The following OBSL1 variants were observed in gnomAD, a reference collection of about 807,000 sequenced individuals.
The protein encoded by OBSL1 is obscurin-like protein 1.
OBSL1 carries 160 observed loss-of-function variants against 172.0 expected under a neutral mutation model. The observed-to-expected ratio is 0.93, with a 90% CI of 0.82 to 1.06. OBSL1 has a LOEUF of 1.06. OBSL1 is among the 50% of genes least tolerant of loss of function. The pLI is 0.00. For missense variants in OBSL1, 2,681 were observed against 2,715.4 expected (o/e 0.99, Z 0.28); for synonymous variants, 1,200 against 1,196.3 (o/e 1.00, Z -0.06).
downstream of OBSL1, chr2:219,547,436 C>A (rs1695411393): frequency 2.4e-6 from 3 of 1,254,736 alleles, no homozygotes; most frequent in South Asian, 5.5e-5. Context: ...ATGTCCTTGA[C>A]CCCTTGGACC....
intron 8 of OBSL1, among the ~76,000 whole-genome samples, chr2:219,559,814 C>T (rs904243815): frequency 2.6e-5 from 4 of 152,080 alleles, no homozygotes; most frequent in Non-Finnish European, 5.9e-5. Context: ...TCACCCTAAG[C>T]AGGATAGATT....
In OBSL1 at chr2:219,566,743, A is replaced by G. The variant is rs960591425; in HGVS notation, c.2134+87T>C. The G allele has an allele frequency of 3.6e-6, 5 of 1,406,506 alleles. No individual in the cohort carries two copies. The East Asian group carries it at 9.3e-5, about 26-fold the overall frequency. 87.1% of individuals were successfully genotyped at this position (1,406,506 alleles called of 1,614,324 possible). A position where few individuals can be genotyped will look rare whatever the true frequency, so the allele number is the denominator to read the frequency against. On this transcript the variant is annotated intron_variant, in intron 5 of 20. Transcript: ENST00000404537. ...CTTGCTCTCCTGGCCCAGATACAAG[A>G]AATAAAAACAGCATCTGCCTCGTTT...
At chr2:219,551,889 C>T in intron 19 of OBSL1, 91 bp from the exon 20 acceptor site, 1 of 913,220 alleles carries the variant, frequency 1.1e-6, no homozygotes, top group East Asian at 2.5e-5. Flanking sequence ...GTCTCCACTC[C>T]TGGCCTTAGC....
chr2:219,566,993 G>A lies in OBSL1; in HGVS notation c.1971C>T (p.Asn657=), dbSNP rs764229816. 2.0e-5 allele frequency: 33 copies of A among 1,613,778 alleles called. No individual in the cohort carries two copies. The Middle Eastern group carries it at 4.9e-4, about 24-fold the overall frequency. ...WFLNGEELKS[N]EPEGQVEPGA... is the part of the protein sequence containing the mutation. The stretch of plus-strand genomic sequence containing the variant: ...CAGGTTCCACCTGGCCCTCCGGCTC[G>A]TTACTCTTGAGCTCTTCCCCATTAA... The change falls in exon 5 of 21, where the codon AAC becomes AAT. Residue 657 remains asparagine, a synonymous_variant. Coordinates refer to ENST00000404537, the MANE Select transcript of OBSL1 (RefSeq NM_015311.3).
At chr2:219,562,082 A>C in intron 8 of OBSL1, 1 of 705,872 alleles carries the variant, frequency 1.4e-6, no homozygotes, top group South Asian at 1.5e-5. Context: ...CCTGGTTAAC[A>C]GCTGCCTCCT....
intron 18 of OBSL1, 114 bp from the exon 19 acceptor site, chr2:219,552,330 G>A (rs969968899): frequency 3.6e-5 from 37 of 1,037,078 alleles, no homozygotes; most frequent in Non-Finnish European, 5.0e-5. Flanking sequence ...GTGTATGCTA[G>A]GGTGGGCGGA....
At chr2:219,560,655 C>T (rs1047240152) in intron 8 of OBSL1, among the ~76,000 whole-genome samples, 2 of 152,130 alleles carry the variant, frequency 1.3e-5, no homozygotes, top group African/African-American at 2.4e-5. Context: ...ATGCATGGGC[C>T]GAGGTAACCA....
chr2:219,551,890 T>C lies in OBSL1; in HGVS notation c.5414-92A>G, dbSNP rs1574515791. ...CTTCCCTCCCTGAAGTCTCCACTCC[T>C]GGCCTTAGCCCTCTATGCCACCAGT... On this transcript the variant is annotated intron_variant, in intron 19 of 20. Transcript: ENST00000404537. 7.7e-6 allele frequency: 7 copies of C among 913,860 alleles called. No individual in the cohort carries two copies. In the East Asian group the frequency reaches 1.7e-4, roughly 23 times the overall value. 56.6% of individuals were successfully genotyped at this position (913,860 alleles called of 1,614,324 possible).
intron 15 of OBSL1, among the ~76,000 whole-genome samples, chr2:219,553,944 G>A (rs1695821267): frequency 6.6e-6 from 1 of 151,602 alleles, no homozygotes; most frequent in Non-Finnish European, 1.5e-5. Flanking sequence ...GGGAGAAGCT[G>A]GGGGCCAGAG....
intron 7 of OBSL1, 140 bp from the exon 8 acceptor site, chr2:219,562,814 A>C (rs1696585479): frequency 1.2e-6 from 1 of 821,198 alleles, no homozygotes; most frequent in African/African-American, 1.7e-5. Flanking sequence ...ACAGCAGCTG[A>C]CAGTTACTCA....
At chr2:219,563,244 G>A (rs1696628711) in intron 7 of OBSL1, 111 bp downstream of exon 7, 2 of 1,131,422 alleles carry the variant, frequency 1.8e-6, no homozygotes, top group African/African-American at 3.1e-5. Flanking sequence ...TCTGCCAGGG[G>A]GAGGGCAGTA....
chr2:219,562,758 A>G, intron 7 of OBSL1, 84 bp from the exon 8 acceptor site: 1 of 1,423,656 alleles, frequency 7.0e-7, no homozygotes, highest in Non-Finnish European at 9.4e-7. Flanking sequence ...CTACCCCTGG[A>G]AAGTAGGCCA....
Position 219,562,615 on chromosome 2 carries a change from C to T in OBSL1, c.2740G>A (p.Glu914Lys), listed in dbSNP as rs559436110. 2 of 1,600,504 alleles carry T rather than the reference C, an allele frequency of 1.2e-6. No individual in the cohort carries two copies. The highest frequency in any genetic ancestry group is 1.7e-6 in the Non-Finnish European group (2 of 1,174,070). The change falls in exon 8 of 21, where the codon GAG becomes AAG. Residue 914 changes from glutamate to lysine, a missense_variant. Glu to Lys is a moderately conservative substitution (Grantham distance 56, BLOSUM62 1). This residue lies in a region of OBSL1 where 1,765 missense variants were observed against 1,748.3 expected (regional missense o/e 1.01). Coordinates refer to ENST00000404537, the MANE Select transcript of OBSL1 (RefSeq NM_015311.3). ...GKVYVAAVRL[E>K]RVVLTCELCR... The stretch of plus-strand genomic sequence containing the variant: ...AGCTCACAGGTCAGCACCACACGCT[C>T]CAGGCGCACGGCTGCCACATACACC...
chr2:219,553,532 G>A (rs1355882074), intron 16 of OBSL1, 42 bp downstream of exon 16: 2 of 1,357,514 alleles, frequency 1.5e-6, no homozygotes, highest in Non-Finnish European at 1.1e-6. Context: ...TATTATCGTT[G>A]GTGTTACACT....
intron 8 of OBSL1, among the ~76,000 whole-genome samples, chr2:219,560,432 A>G (rs1259684216): frequency 1.3e-5 from 2 of 152,210 alleles, no homozygotes; most frequent in African/African-American, 2.4e-5. Context: ...CTCTGCAGAA[A>G]GGGAACCATG....
At position 219,567,866 on chromosome 2, in the gene OBSL1, G is replaced by A. The variant is rs535662841; in HGVS notation, c.1386C>T (p.Ser462=). 25 of 1,613,878 alleles carry A rather than the reference G, an allele frequency of 1.5e-5. No homozygotes were observed. In the East Asian group the frequency reaches 5.3e-4, roughly 35 times the overall value. Residue 462 remains serine (S), a synonymous_variant, in exon 3 of 21, where the codon AGC becomes AGT. Transcript: ENST00000404537. ...TLEAGVEGRW[S]RDGEELPVIC... ...TGACCGGCAGCTCCTCCCCATCACG[G>A]CTCCAGCGTCCCTCGACCCCGGCCT...
chr2:219,551,138 G>A, intron 20 of OBSL1: 1 of 1,399,156 alleles, frequency 7.1e-7, no homozygotes, highest in Non-Finnish European at 9.3e-7. Flanking sequence ...TTGCTGAGAT[G>A]GGCAGAGGCA....
chr2:219,570,982 C>T lies in OBSL1; in HGVS notation c.251G>A (p.Cys84Tyr). 1 of 1,312,966 alleles carries T rather than the reference C, an allele frequency of 7.6e-7. No homozygotes were observed. Among genetic ancestry groups the T allele is most frequent in the Non-Finnish European group, 9.6e-7 (1 of 1,037,398 alleles). The allele number at this position is 1,312,966 out of a possible 1,614,324, so 81.3% of individuals were successfully genotyped here. A position where few individuals can be genotyped will look rare whatever the true frequency, so the allele number is the denominator to read the frequency against. Residue 84 changes from cysteine (C) to tyrosine (Y), a missense_variant, in exon 1 of 21, where the codon TGC becomes TAC. Transcript: ENST00000404537. ...CTCGCCGGCCGCGTTGCGGGCGCGG[C>T]ACACGTAGACCCCCGCGTCGGTGGG... ...ALPTDAGVYV[C>Y]RARNAAGEAY...
chr2:219,562,019 A>C, intron 8 of OBSL1: 2 of 717,498 alleles, frequency 2.8e-6, no homozygotes. Flanking sequence ...CTGCAGACCA[A>C]ACAAAGCACA....
Sources: allele counts gnomAD v4.1 joint callset (sites outside exome capture counted in the v4.1 genomes callset), GRCh38; gene constraint gnomAD v4.1.1; regional missense constraint gnomAD v4.1.1; transcripts MANE v1.5; gene names NCBI Gene and HGNC (gene_info 2026-07-23, HGNC 2026-07-21).